ARHGEF4: variants seen among roughly 807,000 people sequenced by gnomAD.
ARHGEF4 encodes the protein APC-stimulated guanine nucleotide exchange factor 1.
Under a neutral mutation model 162.0 loss-of-function variants are expected in ARHGEF4, and 119 were observed. The observed-to-expected ratio is 0.73, with a 90% CI of 0.63 to 0.86. ARHGEF4 has a LOEUF of 0.86. ARHGEF4 is among the 40% of genes least tolerant of loss of function. The pLI is 0.00. For synonymous variants in ARHGEF4, 1,014 were observed against 979.9 expected (o/e 1.03, Z -0.65); for missense variants, 2,488 against 2,456.0 (o/e 1.01, Z -0.28).
intron 4 of ARHGEF4, among the ~76,000 whole-genome samples, chr2:131,018,396 A>G (rs1007750342): frequency 1.3e-5 from 2 of 152,140 alleles, no homozygotes; most frequent in African/African-American, 4.8e-5. Flanking sequence ...AGAAATGTCT[A>G]TTCAAATCCT....
chr2:130,893,998 G>C (rs1680011303), intron 1 of ARHGEF4, among the ~76,000 whole-genome samples: 1 of 152,210 alleles, frequency 6.6e-6, no homozygotes. Context: ...CTTCCCCCAG[G>C]GTCTGAAGGA....
chr2:130,888,077 A>G (rs57252297), intron 1 of ARHGEF4, among the ~76,000 whole-genome samples: 4,723 of 152,090 alleles, frequency 0.031, 289 homozygotes, highest in African/African-American at 0.11. Flanking sequence ...TCTCTGTTAT[A>G]TATTGAATTT....
chr2:130,868,792 G>T (rs1559009512), intron 1 of ARHGEF4, among the ~76,000 whole-genome samples: 1 of 152,174 alleles, frequency 6.6e-6, no homozygotes, highest in African/African-American at 2.4e-5. Context: ...AAAGCCAGCC[G>T]CACTGGGCTG....
intron 1 of ARHGEF4, among the ~76,000 whole-genome samples, chr2:130,847,114 C>A (rs1192429522): frequency 6.6e-6 from 1 of 152,210 alleles, no homozygotes; most frequent in East Asian, 1.9e-4. Flanking sequence ...GTCAAGGCGA[C>A]CCTGAGGGCC....
At chr2:130,967,331 G>A (rs1408544464) in intron 4 of ARHGEF4, among the ~76,000 whole-genome samples, 5 of 152,108 alleles carry the variant, frequency 3.3e-5, no homozygotes, top group Admixed American at 1.3e-4. Flanking sequence ...TTTCTGCCCC[G>A]CTGTTCTCAT....
intron 1 of ARHGEF4, among the ~76,000 whole-genome samples, chr2:130,871,643 CTAACTT>C (rs1364899923): frequency 2.6e-5 from 4 of 151,274 alleles, no homozygotes; most frequent in South Asian, 2.1e-4. Flanking sequence ...GAAAAAAAAT[CTAACTT>C]TATAGCATTT....
chr2:130,853,316 T>C (rs1412558443), intron 1 of ARHGEF4, among the ~76,000 whole-genome samples: 1 of 152,218 alleles, frequency 6.6e-6, no homozygotes, highest in Non-Finnish European at 1.5e-5. Context: ...AGAGCCTCTC[T>C]GGGCACACGG....
At chr2:130,921,939 G>A (rs1423842266) in intron 2 of ARHGEF4, among the ~76,000 whole-genome samples, 2 of 151,978 alleles carry the variant, frequency 1.3e-5, no homozygotes, top group African/African-American at 4.8e-5. Flanking sequence ...TAATCCACCT[G>A]CCTTGGCCTC....
chr2:131,001,083 C>T (rs1179825713), intron 4 of ARHGEF4, among the ~76,000 whole-genome samples: 11 of 151,868 alleles, frequency 7.2e-5, no homozygotes, highest in Admixed American at 7.2e-4. Context: ...GGCGGTGGCT[C>T]ACTTGGGGTC....
chr2:130,863,936 G>A (rs1257373069), intron 1 of ARHGEF4, among the ~76,000 whole-genome samples: 2 of 128,518 alleles, frequency 1.6e-5, no homozygotes, highest in African/African-American at 6.0e-5. Context: ...TGTAATCCCA[G>A]CACTTTGGGA....
At chr2:131,003,493 A>T (rs944698197) in intron 4 of ARHGEF4, among the ~76,000 whole-genome samples, 1 of 152,172 alleles carries the variant, frequency 6.6e-6, no homozygotes, top group Non-Finnish European at 1.5e-5. Flanking sequence ...GCACCAGTTG[A>T]TGGGAAGGCA....
intron 4 of ARHGEF4, among the ~76,000 whole-genome samples, chr2:130,985,093 T>C (rs1686394082): frequency 6.6e-6 from 1 of 152,144 alleles, no homozygotes; most frequent in Admixed American, 6.6e-5. Flanking sequence ...GAGGAGCAGA[T>C]CCTGCTATAT....
Position 131,040,040 on chromosome 2 carries a change from G to A in ARHGEF4, c.4330G>A (p.Ala1444Thr), listed in dbSNP as rs2105406210. Residue 1444 changes from alanine (A) to threonine (T), a missense_variant, in exon 7 of 14, where the codon GCG (alanine) becomes ACG (threonine). Physicochemically the swap from Ala to Thr is moderately conservative, Grantham distance 58. Around this residue, in one of 6 missense-constraint regions of ARHGEF4, gnomAD observed 174 missense variants for 148.3 expected, o/e 1.17. Transcript: ENST00000409359. ...GCTGAGGGTGAATCAGGACGAGCCC[G>A]CGGATGACGACGCCCCTCTGGCCGG... ...VRLRVNQDEP[A>T]DDDAPLAGNS... The A allele has an allele frequency of 6.4e-7, 1 of 1,572,222 alleles. No individual in the cohort carries two copies. The highest frequency in any genetic ancestry group is 8.6e-7 in the Non-Finnish European group (1 of 1,160,120).
chr2:131,008,446 A>G (rs1688262369), intron 4 of ARHGEF4, among the ~76,000 whole-genome samples: 1 of 152,222 alleles, frequency 6.6e-6, no homozygotes. Context: ...TCATGCAACC[A>G]ACATCCAGAT....
intron 2 of ARHGEF4, among the ~76,000 whole-genome samples, chr2:130,918,700 A>G (rs867389617): frequency 3.9e-4 from 59 of 152,364 alleles, no homozygotes; most frequent in African/African-American, 1.4e-3. Flanking sequence ...GGGGTTTCCC[A>G]GCAGAGCATC....
intron 4 of ARHGEF4, among the ~76,000 whole-genome samples, chr2:130,975,277 A>G (rs1216862479): frequency 6.6e-6 from 1 of 152,212 alleles, no homozygotes; most frequent in African/African-American, 2.4e-5. Flanking sequence ...ATGCTTTGAC[A>G]TCTTGGGGCC....
At position 130,998,726 on chromosome 2, in the gene ARHGEF4, A is replaced by T. The variant is rs185166450; in HGVS notation, c.3986-29219A>T. Among the ~76,000 whole-genome samples, 8 of 152,320 alleles carry T rather than the reference A, an allele frequency of 5.3e-5. No homozygotes were observed. In the East Asian group the frequency reaches 1.5e-3, roughly 29 times the overall value. On this transcript the variant is annotated intron_variant, in intron 4 of 13. Coordinates refer to ENST00000409359, the MANE Select transcript of ARHGEF4 (RefSeq NM_001367493.1). Reference sequence around the variant, plus strand: ...TGTTTATCCATTCACCTACTGTAGGACATCTTGGTTGCTTTCAAGTTTGTC... The same window carrying T: ...TGTTTATCCATTCACCTACTGTAGGTCATCTTGGTTGCTTTCAAGTTTGTC...
chr2:130,885,249 G>A (rs1413338055), intron 1 of ARHGEF4, among the ~76,000 whole-genome samples: 1 of 152,102 alleles, frequency 6.6e-6, no homozygotes, highest in Non-Finnish European at 1.5e-5. Flanking sequence ...CTTGTCCAAC[G>A]TTAAGAGGAA....
At chr2:130,909,102 G>T (rs1417662634) in intron 1 of ARHGEF4, among the ~76,000 whole-genome samples, 1 of 152,190 alleles carries the variant, frequency 6.6e-6, no homozygotes, top group Non-Finnish European at 1.5e-5. Flanking sequence ...TGGAGAGCAG[G>T]TTCTTGAGCA....
Sources: allele counts gnomAD v4.1 joint callset (sites outside exome capture counted in the v4.1 genomes callset), GRCh38; gene constraint gnomAD v4.1.1; regional missense constraint gnomAD v4.1.1; transcripts MANE v1.5; gene names NCBI Gene and HGNC (gene_info 2026-07-23, HGNC 2026-07-21).